MYOM3: variants seen among roughly 807,000 people sequenced by gnomAD.
MYOM3 encodes myomesin-3.
A neutral mutation model predicts 191.7 loss-of-function variants in MYOM3; 155 were observed. The observed-to-expected ratio is 0.81, with a 90% CI of 0.71 to 0.92. The LOEUF (loss-of-function observed/expected upper bound fraction) is 0.92. Among genes scored for constraint, MYOM3 ranks in the 40% least tolerant of loss-of-function variants. The pLI is 0.00. For synonymous variants in MYOM3, 757 were observed against 762.9 expected (o/e 0.99, Z 0.13); for missense variants, 1,889 against 1,890.6 (o/e 1.00, Z 0.02).
chr1:24,068,010 C>T lies in MYOM3; in HGVS notation c.3315G>A (p.Arg1105=), dbSNP rs763511976. 6.2e-7 allele frequency: 1 copy of T among 1,614,210 alleles called. No individual in the cohort carries two copies. Among genetic ancestry groups the T allele is most frequent in the Non-Finnish European group, 8.5e-7 (1 of 1,180,026 alleles). Residue 1105 remains arginine (R), a synonymous_variant, in exon 27 of 37, where the codon AGG becomes AGA. Transcript: ENST00000374434. ...LVDDDFDKLL[R]KADAKRRDWK... is the part of the protein sequence containing the mutation. ...AGTCCCTTCTCTTAGCATCTGCCTT[C>T]CTCAGAAGCTTGTCAAAATCTGTGA...
chr1:24,081,025 T>C (rs947984400), intron 19 of MYOM3, among the ~76,000 whole-genome samples: 2 of 152,188 alleles, frequency 1.3e-5, no homozygotes, highest in Non-Finnish European at 2.9e-5. Context: ...ACCCTAGCAG[T>C]GCACCTTTGG....
rs368225792 is a variant in MYOM3, at chr1:24,090,899, G to A, written c.1330C>T (p.Arg444Trp). The stretch of plus-strand genomic sequence containing the variant: ...CTGCTGATGGCTCTCACCCGGAACC[G>A]ATAGCTCTGACCTTCGACGAGGCCT... ...IQGLVEGQSY[R>W]FRVRAISRVG... Residue 444 changes from arginine to tryptophan, a missense_variant, in exon 12 of 37, where the codon CGG becomes TGG. Coordinates refer to ENST00000374434, the MANE Select transcript of MYOM3 (RefSeq NM_152372.4). 128 of 1,614,038 alleles carry A rather than the reference G, an allele frequency of 7.9e-5. No individual in the cohort carries two copies. The highest frequency in any genetic ancestry group is 2.1e-4 in the African/African-American group (16 of 75,062).
intron 11 of MYOM3, 99 bp from the exon 12 acceptor site, chr1:24,091,095 C>G: frequency 7.5e-7 from 1 of 1,341,134 alleles, no homozygotes; most frequent in Non-Finnish European, 1.0e-6. Context: ...GGGAGCCTGC[C>G]CAGCTCATCT....
At chr1:24,073,119 G>T (rs1373314063) in intron 23 of MYOM3, among the ~76,000 whole-genome samples, 2 of 152,206 alleles carry the variant, frequency 1.3e-5, no homozygotes, top group East Asian at 3.8e-4. Flanking sequence ...TATTGTTTCA[G>T]GTGGGGGCAG....
intron 25 of MYOM3, 36 bp downstream of exon 25, chr1:24,071,081 G>A (rs931105331): frequency 3.1e-6 from 5 of 1,603,954 alleles, no homozygotes; most frequent in Middle Eastern, 1.7e-4. Flanking sequence ...CCCCGGCAGG[G>A]GAGCCTCACT....
chr1:24,067,193 ACTT>A (rs1409786662), intron 27 of MYOM3, 105 bp from the exon 28 acceptor site: 59 of 1,120,528 alleles, frequency 5.3e-5, no homozygotes, highest in Non-Finnish European at 7.5e-5. Context: ...ATGGCTATGG[ACTT>A]CTCAGATGCT....
rs988380905 is a variant in MYOM3, at chr1:24,107,939, G to C, written c.242+54C>G. On this transcript the variant is annotated intron_variant, in intron 3 of 36. Coordinates refer to ENST00000374434, the MANE Select transcript of MYOM3 (RefSeq NM_152372.4). The stretch of plus-strand genomic sequence containing the variant: ...AAGGCCAGCAGGGAGGCCGGGGACT[G>C]GACAGGATGGCCCCTCCTCAGCCAC... 7.3e-6 allele frequency: 11 copies of C among 1,500,446 alleles called. No individual in the cohort carries two copies. In the African/African-American group the frequency reaches 1.5e-4, roughly 21 times the overall value. The allele number at this position is 1,500,446 out of a possible 1,614,324, so 92.9% of individuals were successfully genotyped here.
chr1:24,092,141 C>CA, intron 11 of MYOM3, 33 bp downstream of exon 11: 2 of 1,427,830 alleles, frequency 1.4e-6, no homozygotes, highest in Non-Finnish European at 1.8e-6. Context: ...AATTCTACCC[C>CA]TAGGGCCTCT....
At chr1:24,067,158 G>T in intron 27 of MYOM3, 70 bp from the exon 28 acceptor site, 1 of 1,471,708 alleles carries the variant, frequency 6.8e-7, no homozygotes, top group Non-Finnish European at 9.3e-7. Flanking sequence ...CTGTGTCCAG[G>T]CAGTGCTGGG....
At chr1:24,089,993 T>A in intron 13 of MYOM3, 72 bp downstream of exon 13, 1 of 1,495,432 alleles carries the variant, frequency 6.7e-7, no homozygotes, top group Non-Finnish European at 9.3e-7. Context: ...AGCTTCTGCC[T>A]CTTTGCCAGC....
chr1:24,058,922 A>G lies in MYOM3; in HGVS notation c.4050+2T>C, dbSNP rs1313557525. 6.2e-7 allele frequency: 1 copy of G among 1,608,568 alleles called. No individual in the cohort carries two copies. Among genetic ancestry groups the G allele is most frequent in the African/African-American group, 1.3e-5 (1 of 74,798 alleles). On this transcript the variant is annotated splice_donor_variant, in intron 36 of 36. Coordinates refer to ENST00000374434, the MANE Select transcript of MYOM3 (RefSeq NM_152372.4). LOFTEE classifies it high-confidence loss of function. ...TGGCTGTGGGCTGGGAAGGGTCAGT[A>G]CCTTATCTTCCATGATAGTGGCCAC...
chr1:24,095,011 G>C, intron 8 of MYOM3, 21 bp from the exon 9 acceptor site: 1 of 1,607,050 alleles, frequency 6.2e-7, no homozygotes, highest in Non-Finnish European at 8.5e-7. Flanking sequence ...AATGAAATTT[G>C]GGGCAGAAGT....
chr1:24,089,508 G>A (rs1255875174), intron 14 of MYOM3, 30 bp downstream of exon 14: 41 of 1,578,090 alleles, frequency 2.6e-5, no homozygotes, highest in Non-Finnish European at 3.5e-5. Flanking sequence ...TCTCAGGCTG[G>A]CCTGGGGCTG....
At chr1:24,095,554 C>A in intron 7 of MYOM3, 68 bp from the exon 8 acceptor site, 1 of 1,445,322 alleles carries the variant, frequency 6.9e-7, no homozygotes. Context: ...ATTTTGGGGA[C>A]ATGGGCTTTG....
rs1557600066 is a variant in MYOM3 at position 24,062,080 on chromosome 1, A to G, written c.3800T>C (p.Ile1267Thr). ...CTCATCCAGGGTGGTGCCCGTCCTT[A>G]TCCGATCACCACTCTCCAGACGTTT... ...KDKRLESGDR[I>T]RTGTTLDEIW... is the part of the protein sequence containing the mutation. Residue 1267 changes from isoleucine (I) to threonine (T), a missense_variant, in exon 33 of 37, where the codon ATA becomes ACA. By Grantham distance (89) the Ile-to-Thr change is moderately conservative. Coordinates refer to ENST00000374434, the MANE Select transcript of MYOM3 (RefSeq NM_152372.4). 1 of 1,614,108 alleles carries G rather than the reference A, an allele frequency of 6.2e-7. No homozygotes were observed. Among genetic ancestry groups the G allele is most frequent in the Non-Finnish European group, 8.5e-7 (1 of 1,180,028 alleles).
At chr1:24,075,961 C>A (rs188564446) in intron 21 of MYOM3, among the ~76,000 whole-genome samples, 198 bp downstream of exon 21, 1 of 152,280 alleles carries the variant, frequency 6.6e-6, no homozygotes, top group African/African-American at 2.4e-5. Flanking sequence ...TAGCGTGTGA[C>A]CTGGTTGATC....
At chr1:24,065,296 A>C (rs1342040754) in intron 29 of MYOM3, among the ~76,000 whole-genome samples, 1 of 152,212 alleles carries the variant, frequency 6.6e-6, no homozygotes, top group African/African-American at 2.4e-5. Context: ...CAGTGAGGCC[A>C]CAGACATCAG....
intron 24 of MYOM3, 52 bp from the exon 25 acceptor site, chr1:24,071,305 C>T (rs1268890838): frequency 2.6e-6 from 4 of 1,559,166 alleles, no homozygotes; most frequent in South Asian, 1.2e-5. Flanking sequence ...CTCCCTTTCC[C>T]GCTCCCTTCC....
chr1:24,104,317 A>G (rs1416281488), intron 5 of MYOM3, among the ~76,000 whole-genome samples: 1 of 152,166 alleles, frequency 6.6e-6, no homozygotes, highest in Non-Finnish European at 1.5e-5. Flanking sequence ...ACCTCTTCTG[A>G]GAAGCCTTCC....
Sources: allele counts gnomAD v4.1 joint callset (sites outside exome capture counted in the v4.1 genomes callset), GRCh38; gene constraint gnomAD v4.1.1; transcripts MANE v1.5; gene names NCBI Gene and HGNC (gene_info 2026-07-23, HGNC 2026-07-21).